FNTB: variants seen among roughly 807,000 people sequenced by gnomAD.
FNTB encodes protein farnesyltransferase subunit beta.
In FNTB, 27 loss-of-function variants were observed where a neutral mutation model predicts 59.4. The ratio of observed to expected loss-of-function variants is 0.45; its 90% CI spans 0.34 to 0.63. The LOEUF is 0.63. Ranked by LOEUF, FNTB falls within the 20% of genes least tolerant of loss-of-function variation. FNTB has a pLI of 0.02. For synonymous variants in FNTB, 230 were observed against 220.7 expected (o/e 1.04, Z -0.37); for missense variants, 449 against 559.6 (o/e 0.80, Z 1.99).
chr14:65,004,158 C>T (rs2061547572), intron 1 of FNTB, 91 bp from the exon 2 acceptor site: 1 of 1,447,592 alleles, frequency 6.9e-7, no homozygotes, highest in Admixed American at 1.8e-5. Context: ...CCAACCCTCG[C>T]CAATAGGCAT....
intron 8 of FNTB, among the ~76,000 whole-genome samples, chr14:65,042,922 G>A (rs1161442189): frequency 1.3e-5 from 2 of 152,188 alleles, no homozygotes; most frequent in Non-Finnish European, 2.9e-5. Context: ...TGAACCTGCA[G>A]TACAGTGTTT....
chr14:65,026,105 A>G (rs1362450991), intron 4 of FNTB, among the ~76,000 whole-genome samples: 1 of 152,228 alleles, frequency 6.6e-6, no homozygotes, highest in East Asian at 1.9e-4. Context: ...TAGCAAGGAA[A>G]TAATGAGGTG....
At chr14:65,006,098 G>T (rs2061582334) in intron 2 of FNTB, 1 of 1,570,578 alleles carries the variant, frequency 6.4e-7, no homozygotes, top group Non-Finnish European at 8.6e-7. Flanking sequence ...CAGTCTCTAG[G>T]TACTTCTGCT....
intron 8 of FNTB, among the ~76,000 whole-genome samples, chr14:65,042,551 ATTAAGCT>A (rs1451057922): frequency 6.6e-6 from 1 of 152,200 alleles, no homozygotes; most frequent in Non-Finnish European, 1.5e-5. Flanking sequence ...GTAAATACAG[ATTAAGCT>A]TCACTGGCTC....
chr14:65,038,751 T>C (rs2062273935), intron 7 of FNTB, among the ~76,000 whole-genome samples: 1 of 152,188 alleles, frequency 6.6e-6, no homozygotes, highest in Non-Finnish European at 1.5e-5. Context: ...AATATTTCAT[T>C]GCATGGTTCG....
In FNTB at chr14:64,997,971, C is replaced by T. The variant is rs1464597310; in HGVS notation, c.145-6278C>T. Reference sequence around the variant, plus strand: ...TAATCCTTATGCCAAAGAAGCCTATCGTGGGAAGACATATTCTGGTCTCCT... The same window carrying T: ...TAATCCTTATGCCAAAGAAGCCTATTGTGGGAAGACATATTCTGGTCTCCT... On this transcript the variant is annotated intron_variant, in intron 1 of 11. Coordinates refer to ENST00000246166, the MANE Select transcript of FNTB (RefSeq NM_002028.4). This position sits in a 1 kb window ranked among gnomAD's most constrained non-coding sequence, Gnocchi z 4.5. Among the ~76,000 whole-genome samples, 7 of 152,182 alleles carry T rather than the reference C, an allele frequency of 4.6e-5. No individual in the cohort carries two copies. Among genetic ancestry groups the T allele is most frequent in the Non-Finnish European group, 8.8e-5 (6 of 68,046 alleles).
chr14:65,006,747 G>A (rs1053947897), intron 2 of FNTB, among the ~76,000 whole-genome samples: 2 of 152,108 alleles, frequency 1.3e-5, no homozygotes, highest in African/African-American at 4.8e-5. Context: ...TAGAGCCCTT[G>A]GTCTCTTTCA....
In FNTB at chr14:65,012,376, C is replaced by G; in HGVS notation, c.269C>G (p.Thr90Arg). 1 of 1,614,138 alleles carries G rather than the reference C, an allele frequency of 6.2e-7. No homozygotes were observed. Among genetic ancestry groups the G allele is most frequent in the Non-Finnish European group, 8.5e-7 (1 of 1,179,976 alleles). ...HYLKRGLRQLTDAYECLDASR... is the reference protein window; with the variant it reads ...HYLKRGLRQLRDAYECLDASR... The stretch of plus-strand genomic sequence containing the variant: ...CTGAAAAGAGGCCTTCGACAACTGA[C>G]AGATGCCTATGAGGTAAACACATTA... Residue 90 changes from threonine (T) to arginine (R), a missense_variant, in exon 3 of 12, where the codon ACA (threonine) becomes AGA (arginine). Thr to Arg is a moderately conservative substitution (Grantham distance 71). This residue lies in a region of FNTB where 337 missense variants were observed against 479.1 expected (regional missense o/e 0.70). Transcript: ENST00000246166. This position sits in a 1 kb window ranked among gnomAD's most constrained non-coding sequence, Gnocchi z 5.0.
chr14:65,038,851 T>C (rs2062276764), intron 7 of FNTB, among the ~76,000 whole-genome samples: 1 of 152,240 alleles, frequency 6.6e-6, no homozygotes, highest in South Asian at 2.1e-4. Context: ...TGTAATCCTA[T>C]TTTTAGTTTT....
In FNTB at chr14:65,054,676, C is replaced by T; in HGVS notation, c.1169C>T (p.Pro390Leu). ...TTGCATGATGTGGTCCTGGGTGTGC[C>T]CGAAAACGCTCTGGTAAGACGGGTG... ...AMLHDVVLGVPENALQPTHPV... is the reference protein window; with the variant it reads ...AMLHDVVLGVLENALQPTHPV... The change falls in exon 11 of 12, where the codon CCC (proline) becomes CTC (leucine). Residue 390 changes from proline (P) to leucine (L), a missense_variant. Coordinates refer to ENST00000246166, the MANE Select transcript of FNTB (RefSeq NM_002028.4). The surrounding 1 kb of genome is among the most constrained non-coding windows in gnomAD (Gnocchi z 4.4). 5.6e-6 allele frequency: 9 copies of T among 1,611,014 alleles called. No homozygotes were observed. Among genetic ancestry groups the T allele is most frequent in the Non-Finnish European group, 7.6e-6 (9 of 1,178,656 alleles).
In FNTB at chr14:65,062,514, T is replaced by A. The variant is rs1391718790; in HGVS notation, c.*1202T>A. ...GGCCTTCATGTAAGCAGCTGTGGGCTGCGGGCAGACAGGAGCTCAGAGATG... is the reference window on the plus strand; with the variant it reads ...GGCCTTCATGTAAGCAGCTGTGGGCAGCGGGCAGACAGGAGCTCAGAGATG... On this transcript the variant is annotated 3_prime_UTR_variant, in exon 12 of 12. Transcript: ENST00000246166. The surrounding 1 kb of genome is among the most constrained non-coding windows in gnomAD (Gnocchi z 4.3). 2 of 152,694 alleles carry A rather than the reference T, an allele frequency of 1.3e-5. No homozygotes were observed. Among genetic ancestry groups the A allele is most frequent in the Non-Finnish European group, 2.9e-5 (2 of 68,060 alleles). The allele number at this position is 152,694 out of a possible 1,614,324, so 9.5% of individuals were successfully genotyped here.
chr14:64,989,300 T>C (rs1457651028), intron 1 of FNTB, among the ~76,000 whole-genome samples: 2 of 136,048 alleles, frequency 1.5e-5, no homozygotes, highest in African/African-American at 5.7e-5. Flanking sequence ...AAAAAGTAGC[T>C]GAGCGTGGTG....
chr14:64,986,907 T>G lies in FNTB; in HGVS notation c.-47T>G. The stretch of plus-strand genomic sequence containing the variant: ...CCGCTCGAGTTTCAATGCGCGTTGT[T>G]GCTTAACGAAGCAGAGTCCTACACA... On this transcript the variant is annotated 5_prime_UTR_variant, in exon 1 of 12. Coordinates refer to ENST00000246166, the MANE Select transcript of FNTB (RefSeq NM_002028.4). 1 of 1,610,500 alleles carries G rather than the reference T, an allele frequency of 6.2e-7. No individual in the cohort carries two copies. Among genetic ancestry groups the G allele is most frequent in the African/African-American group, 1.3e-5 (1 of 74,994 alleles).
At position 65,061,619 on chromosome 14, in the gene FNTB, C is replaced by G. The variant is rs1340981838; in HGVS notation, c.*307C>G. On this transcript the variant is annotated 3_prime_UTR_variant, in exon 12 of 12. Transcript: ENST00000246166. ...CAGCTCTCCAGCCAGGACGATCACA[C>G]AGAGATGAATGGCATCTGAGTATTA... The G allele has an allele frequency of 3.5e-6, 1 of 286,978 alleles. No individual in the cohort carries two copies. Among genetic ancestry groups the G allele is most frequent in the East Asian group, 6.7e-5 (1 of 14,918 alleles). 17.8% of individuals were successfully genotyped at this position (286,978 alleles called of 1,614,324 possible). A position where few individuals can be genotyped will look rare whatever the true frequency, so the allele number is the denominator to read the frequency against.
intron 1 of FNTB, 67 bp downstream of exon 1, chr14:64,987,164 G>A (rs1016409145): frequency 2.3e-5 from 37 of 1,582,258 alleles, no homozygotes; most frequent in Non-Finnish European, 2.9e-5. Context: ...CCGTTCGTAG[G>A]GCCGCCCGGG....
rs1243469814 is a variant in FNTB at position 65,012,659 on chromosome 14, T to C, written c.282+270T>C. ...TGATGACTAAGGGGTTCACGTGCTT[T>C]ATCTAGACCTCCTTGACAGCTGGCT... On this transcript the variant is annotated intron_variant, in intron 3 of 11. Coordinates refer to ENST00000246166, the MANE Select transcript of FNTB (RefSeq NM_002028.4). The surrounding 1 kb of genome is among the most constrained non-coding windows in gnomAD (Gnocchi z 5.0). Among the ~76,000 whole-genome samples, 1 of 152,250 alleles carries C rather than the reference T, an allele frequency of 6.6e-6. No individual in the cohort carries two copies. The highest frequency in any genetic ancestry group is 6.5e-5 in the Admixed American group (1 of 15,290).
chr14:65,021,405 C>T (rs1002226141), intron 4 of FNTB, among the ~76,000 whole-genome samples: 1 of 152,148 alleles, frequency 6.6e-6, no homozygotes, highest in African/African-American at 2.4e-5. Flanking sequence ...AGCTTATCCC[C>T]GGAATAGCCC....
chr14:65,035,536 CTT>C (rs1007305306), intron 7 of FNTB, among the ~76,000 whole-genome samples: 1 of 151,988 alleles, frequency 6.6e-6, no homozygotes, highest in Non-Finnish European at 1.5e-5. Flanking sequence ...TCAATTCTCT[CTT>C]TCTTTTTTTG....
chr14:65,018,781 G>A (rs2061827609), intron 4 of FNTB, among the ~76,000 whole-genome samples: 1 of 143,846 alleles, frequency 7.0e-6, no homozygotes, highest in Non-Finnish European at 1.5e-5. Context: ...CTCTACTCCA[G>A]CCTGGAGGAC....
Sources: allele counts gnomAD v4.1 joint callset (sites outside exome capture counted in the v4.1 genomes callset), GRCh38; gene constraint gnomAD v4.1.1; regional missense constraint gnomAD v4.1.1; non-coding constraint Gnocchi (gnomAD v3.1); transcripts MANE v1.5; gene names NCBI Gene and HGNC (gene_info 2026-07-23, HGNC 2026-07-21).